Variants in ZNF107 observed in about 807,000 individuals in gnomAD.
ZNF107 encodes the protein C2H2 type zinc-finger protein.
Under a neutral mutation model 12.3 loss-of-function variants are expected in ZNF107, and 19 were observed. The observed-to-expected ratio is 1.55, with a 90% CI of 1.08 to 2.27. The LOEUF (loss-of-function observed/expected upper bound fraction) is 2.27. ZNF107 is among the 30% of genes most tolerant of loss of function. ZNF107 has a pLI of 0.00. For missense variants in ZNF107, 958 were observed against 979.9 expected (o/e 0.98, Z 0.30); for synonymous variants, 317 against 330.5 (o/e 0.96, Z 0.44).
rs149317861 is a variant in ZNF107 at position 64,708,607 on chromosome 7, A to C, written c.2510A>C (p.Lys837Thr). Residue 837 changes from lysine (K) to threonine (T), a missense_variant, in exon 4 of 4, where the codon AAA (lysine) becomes ACA (threonine). Coordinates refer to ENST00000620827, the MANE Select transcript of ZNF107 (RefSeq NM_001282359.2). ...TCCTCAAATCTTACTACACATAAGA[A>C]AATTCATACTGGAGAGAAACCCTAC... is the stretch of plus-strand genomic sequence containing the variant. ...NLSSNLTTHK[K>T]IHTGEKPYKC... is the part of the protein sequence containing the mutation. 6 of 1,594,586 alleles carry C rather than the reference A, an allele frequency of 3.8e-6. No homozygotes were observed. In the African/African-American group the frequency reaches 6.7e-5, roughly 18 times the overall value.
Position 64,708,413 on chromosome 7 carries a change from A to G in ZNF107, c.2316A>G (p.Gln772=), listed in dbSNP as rs535640431. 4 of 1,603,702 alleles carry G rather than the reference A, an allele frequency of 2.5e-6. No homozygotes were observed. The highest frequency in any genetic ancestry group is 4.5e-5 in the East Asian group (2 of 44,382). The change falls in exon 4 of 4, where the codon CAA becomes CAG. Residue 772 remains glutamine, a synonymous_variant. Transcript: ENST00000620827. ...AAGAATGTGGCAAAGCTTTTAACCAATCCTCAAACCTTACTACACATAAGA... is the reference window on the plus strand; with the variant it reads ...AAGAATGTGGCAAAGCTTTTAACCAGTCCTCAAACCTTACTACACATAAGA... ...KCEECGKAFN[Q]SSNLTTHKKI... is the part of the protein sequence containing the mutation.
chr7:64,708,602 T>TA lies in ZNF107; in HGVS notation c.2507dup (p.Lys837GlufsTer12). 2.5e-6 allele frequency: 4 copies of TA among 1,611,108 alleles called. No homozygotes were observed. The highest frequency in any genetic ancestry group is 1.1e-5 in the South Asian group (1 of 90,794). The stretch of plus-strand genomic sequence containing the variant: ...ACCTATCCTCAAATCTTACTACACA[T>TA]AAGAAAATTCATACTGGAGAGAAAC... On this transcript the variant is annotated frameshift_variant, in exon 4 of 4. Transcript: ENST00000620827. LOFTEE classifies it low-confidence loss of function (END_TRUNC).
Position 64,708,279 on chromosome 7 carries a change from A to G in ZNF107, c.2182A>G (p.Thr728Ala). The G allele has an allele frequency of 6.2e-7, 1 of 1,613,654 alleles. No individual in the cohort carries two copies. The highest frequency in any genetic ancestry group is 8.5e-7 in the Non-Finnish European group (1 of 1,179,824). ...STLNRHKIIHTGEKPYKCKEC... is the reference protein window; with the variant it reads ...STLNRHKIIHAGEKPYKCKEC... ...CCTTAATAGACATAAGATAATTCAT[A>G]CTGGAGAGAAACCTTACAAATGTAA... is the stretch of plus-strand genomic sequence containing the variant. The change falls in exon 4 of 4, where the codon ACT (threonine) becomes GCT (alanine). Residue 728 changes from threonine (T) to alanine (A), a missense_variant. Transcript: ENST00000620827.
rs1004588749 is a variant in ZNF107 at position 64,711,462 on chromosome 7, A to G, written c.*2806A>G. 2 of 152,220 alleles carry G rather than the reference A, an allele frequency of 1.3e-5. No homozygotes were observed. The highest frequency in any genetic ancestry group is 2.9e-5 in the Non-Finnish European group (2 of 68,044). The allele number at this position is 152,220 out of a possible 1,614,324, so 9.4% of individuals were successfully genotyped here. A position where few individuals can be genotyped will look rare whatever the true frequency, so the allele number is the denominator to read the frequency against. On this transcript the variant is annotated 3_prime_UTR_variant, in exon 4 of 4. Coordinates refer to ENST00000620827, the MANE Select transcript of ZNF107 (RefSeq NM_001282359.2). Reference sequence around the variant, plus strand: ...TTACAAACCAATTCTGCACTTTTAGATACTTTAGAATGTACAGTCGTTACT... The same window carrying G: ...TTACAAACCAATTCTGCACTTTTAGGTACTTTAGAATGTACAGTCGTTACT...
At chr7:64,699,926 G>T (rs1259965337) in intron 3 of ZNF107, among the ~76,000 whole-genome samples, 4 of 151,922 alleles carry the variant, frequency 2.6e-5, no homozygotes, top group African/African-American at 9.7e-5. Flanking sequence ...AATTAGCCGG[G>T]CTTGGTAGCG....
At position 64,708,685 on chromosome 7, in the gene ZNF107, A is replaced by G; in HGVS notation, c.*29A>G. On this transcript the variant is annotated 3_prime_UTR_variant, in exon 4 of 4. Coordinates refer to ENST00000620827, the MANE Select transcript of ZNF107 (RefSeq NM_001282359.2). ...ATCCTACAAGCTTACTACACATAGGAAAATTCATACTGGAGAGAAACTACA... is the reference window on the plus strand; with the variant it reads ...ATCCTACAAGCTTACTACACATAGGGAAATTCATACTGGAGAGAAACTACA... 1 of 1,557,492 alleles carries G rather than the reference A, an allele frequency of 6.4e-7. No individual in the cohort carries two copies. Among genetic ancestry groups the G allele is most frequent in the Non-Finnish European group, 8.7e-7 (1 of 1,150,840 alleles).
chr7:64,709,049 T>C lies in ZNF107; in HGVS notation c.*393T>C, dbSNP rs1300210816. 35 of 454,276 alleles carry C rather than the reference T, an allele frequency of 7.7e-5. No individual in the cohort carries two copies. The East Asian group carries it at 1.9e-3, about 24-fold the overall frequency. 28.1% of individuals were successfully genotyped at this position (454,276 alleles called of 1,614,324 possible). On this transcript the variant is annotated 3_prime_UTR_variant, in exon 4 of 4. Coordinates refer to ENST00000620827, the MANE Select transcript of ZNF107 (RefSeq NM_001282359.2). ...TTTATACTGGAGAGGAACTCTATAG[T>C]TGTGAAGAATGTGGCAAAGCTTTTA...
rs542674963 is a variant in ZNF107, at chr7:64,711,474, G to A, written c.*2818G>A. On this transcript the variant is annotated 3_prime_UTR_variant, in exon 4 of 4. Coordinates refer to ENST00000620827, the MANE Select transcript of ZNF107 (RefSeq NM_001282359.2). ...TCTGCACTTTTAGATACTTTAGAAT[G>A]TACAGTCGTTACTACAGGGTCATTT... is the stretch of plus-strand genomic sequence containing the variant. The A allele has an allele frequency of 1.8e-3, 268 of 152,172 alleles. 1 individual carries two copies. Among genetic ancestry groups the A allele is most frequent in the African/African-American group, 6.0e-3 (250 of 41,526 alleles). 9.4% of individuals were successfully genotyped at this position (152,172 alleles called of 1,614,324 possible).
intron 1 of ZNF107, among the ~76,000 whole-genome samples, chr7:64,688,117 G>A (rs985681139): frequency 6.6e-6 from 1 of 152,140 alleles, no homozygotes; most frequent in Non-Finnish European, 1.5e-5. Flanking sequence ...TCACAGGGCA[G>A]CAGTTAACCA....
At chr7:64,705,096 C>G (rs1282921346) in intron 3 of ZNF107, among the ~76,000 whole-genome samples, 1 of 152,146 alleles carries the variant, frequency 6.6e-6, no homozygotes, top group Non-Finnish European at 1.5e-5. Context: ...CCCTTCTGAC[C>G]TGCAAAATTT....
Position 64,709,846 on chromosome 7 carries a change from C to T in ZNF107, c.*1190C>T. On this transcript the variant is annotated 3_prime_UTR_variant, in exon 4 of 4. Transcript: ENST00000620827. Reference sequence around the variant, plus strand: ...AGCCTTTAAAGTGAAGAAGAGGAGCCAGTTGTGCTGGCTCACATCTGTAAT... The same window carrying T: ...AGCCTTTAAAGTGAAGAAGAGGAGCTAGTTGTGCTGGCTCACATCTGTAAT... 9.5e-6 allele frequency: 4 copies of T among 420,684 alleles called. No individual in the cohort carries two copies. The highest frequency in any genetic ancestry group is 1.7e-5 in the South Asian group (1 of 58,638). The allele number at this position is 420,684 out of a possible 1,614,324, so 26.1% of individuals were successfully genotyped here. A position where few individuals can be genotyped will look rare whatever the true frequency, so the allele number is the denominator to read the frequency against.
At chr7:64,672,115 C>T (rs1789253821) in intron 1 of ZNF107, among the ~76,000 whole-genome samples, 1 of 152,006 alleles carries the variant, frequency 6.6e-6, no homozygotes, top group Admixed American at 6.6e-5. Context: ...TCACCTTCCA[C>T]CCTCAGCTAG....
At chr7:64,671,470 C>G (rs1189138963) in intron 1 of ZNF107, among the ~76,000 whole-genome samples, 1 of 152,188 alleles carries the variant, frequency 6.6e-6, no homozygotes, top group Non-Finnish European at 1.5e-5. Flanking sequence ...GCAGCAGCAG[C>G]CTGCTCTCTC....
At position 64,706,718 on chromosome 7, in the gene ZNF107, A is replaced by C. The variant is rs567215937; in HGVS notation, c.621A>C (p.Gly207=). 2 of 1,612,308 alleles carry C rather than the reference A, an allele frequency of 1.2e-6. No homozygotes were observed. Among genetic ancestry groups the C allele is most frequent in the Admixed American group, 3.3e-5 (2 of 59,714 alleles). The change falls in exon 4 of 4, where the codon GGA becomes GGC. Residue 207 remains glycine (G), a synonymous_variant. Coordinates refer to ENST00000620827, the MANE Select transcript of ZNF107 (RefSeq NM_001282359.2). ...RVNSYKCEEC[G]KAFNWFSTLT... ...ATTCCTACAAATGTGAAGAATGTGG[A>C]AAAGCCTTTAACTGGTTCTCAACTC...
intron 1 of ZNF107, chr7:64,686,871 G>C: frequency 1.0e-6 from 1 of 983,774 alleles, no homozygotes; most frequent in Non-Finnish European, 1.2e-6. Flanking sequence ...GTGAATAAAC[G>C]GCCTTGTTGC....
chr7:64,702,234 C>T (rs1024576351), intron 3 of ZNF107, among the ~76,000 whole-genome samples: 6 of 151,600 alleles, frequency 4.0e-5, no homozygotes, highest in South Asian at 2.1e-4. Context: ...CTGCAACCTC[C>T]GCCCCACTAG....
intron 1 of ZNF107, among the ~76,000 whole-genome samples, chr7:64,688,074 C>T (rs1789986697): frequency 6.6e-6 from 1 of 152,074 alleles, no homozygotes; most frequent in African/African-American, 2.4e-5. Context: ...TCTACAGTCA[C>T]CTCTAGAGAG....
intron 1 of ZNF107, chr7:64,684,817 C>A: frequency 1.2e-6 from 1 of 802,654 alleles, no homozygotes; most frequent in Non-Finnish European, 1.5e-6. Context: ...ATCCCTCCTG[C>A]TCCTTTGGCT....
At position 64,679,257 on chromosome 7, in the gene ZNF107, C is replaced by G. The variant is rs1479294277; in HGVS notation, c.4-11991C>G. 3 of 985,092 alleles carry G rather than the reference C, an allele frequency of 3.0e-6. No homozygotes were observed. In the East Asian group the frequency reaches 3.5e-4, roughly 114 times the overall value. The allele number at this position is 985,092 out of a possible 1,614,324, so 61.0% of individuals were successfully genotyped here. A position where few individuals can be genotyped will look rare whatever the true frequency, so the allele number is the denominator to read the frequency against. ...GAGTCGTGTCCCTTAACCCCTTCCCCCGACTTCTTGAAGAGACCCACCCGC... is the reference window on the plus strand; with the variant it reads ...GAGTCGTGTCCCTTAACCCCTTCCCGCGACTTCTTGAAGAGACCCACCCGC... On this transcript the variant is annotated intron_variant, in intron 1 of 3. Transcript: ENST00000620827.
Sources: allele counts gnomAD v4.1 joint callset (sites outside exome capture counted in the v4.1 genomes callset), GRCh38; gene constraint gnomAD v4.1.1; transcripts MANE v1.5; gene names NCBI Gene and HGNC (gene_info 2026-07-23, HGNC 2026-07-21).